The following ZNF655 variants were observed in gnomAD, a reference collection of about 807,000 sequenced individuals.
The protein encoded by ZNF655 is zinc finger protein 655.
ZNF655 carries 3 observed loss-of-function variants against 6.6 expected under a neutral mutation model. That is an observed-to-expected ratio of 0.46 (90% CI 0.21 to 1.18). The LOEUF (loss-of-function observed/expected upper bound fraction) is 1.18, where lower values mean the gene tolerates loss of function less well. ZNF655 is among the 50% of genes most tolerant of loss of function. The pLI is 0.24. For missense variants in ZNF655, 526 were observed against 572.3 expected, an observed-to-expected ratio of 0.92 and a Z score of 0.83; for synonymous variants, 178 against 195.0, an observed-to-expected ratio of 0.91 and a Z score of 0.73.
At chr7:99,571,135 T>G in intron 2 of ZNF655, 1 of 865,248 alleles carries the variant, frequency 1.2e-6, no homozygotes, top group African/African-American at 1.8e-5. Context: ...GAATAAATGC[T>G]ACACTCCTAA....
intron 2 of ZNF655, among the ~76,000 whole-genome samples, chr7:99,565,534 G>A (rs1406503873): frequency 6.6e-6 from 1 of 152,196 alleles, no homozygotes; most frequent in Non-Finnish European, 1.5e-5. Context: ...CCACTATGCA[G>A]CAGTAAATAT....
intron 2 of ZNF655, chr7:99,564,285 A>G (rs1803460656): frequency 7.6e-7 from 1 of 1,308,168 alleles, no homozygotes; most frequent in Non-Finnish European, 9.7e-7. Context: ...CTCTTCAGTT[A>G]TGGTCTTTTC....
chr7:99,559,229 G>A (rs1802876408), intron 1 of ZNF655, among the ~76,000 whole-genome samples: 1 of 152,198 alleles, frequency 6.6e-6, no homozygotes, highest in Non-Finnish European at 1.5e-5. Context: ...TCTTACCTGC[G>A]TTGCTCTCAG....
chr7:99,571,280 G>T (rs1562937211), intron 2 of ZNF655: 1 of 1,289,266 alleles, frequency 7.8e-7, no homozygotes, highest in Non-Finnish European at 1.0e-6. Context: ...CATGCAGCAG[G>T]TGCTTGAGTT....
At chr7:99,566,391 G>C (rs1401960117) in intron 2 of ZNF655, among the ~76,000 whole-genome samples, 2 of 152,124 alleles carry the variant, frequency 1.3e-5, no homozygotes, top group African/African-American at 4.8e-5. Context: ...CATTCAAAAA[G>C]TAAAACTCTC....
Position 99,573,902 on chromosome 7 carries a change from G to A in ZNF655, c.*318G>A. On this transcript the variant is annotated 3_prime_UTR_variant, in exon 3 of 3. Transcript: ENST00000252713. ...TAGTCACATTTGGAGAATTCACATG[G>A]GAATAAAATTCCATTGCTGCAATGA... The A allele has an allele frequency of 1.1e-5, 3 of 266,766 alleles. No homozygotes were observed. The highest frequency in any genetic ancestry group is 7.5e-5 in the East Asian group (1 of 13,374). 16.5% of individuals were successfully genotyped at this position (266,766 alleles called of 1,614,324 possible).
At chr7:99,559,317 G>A (rs1050135524) in intron 1 of ZNF655, among the ~76,000 whole-genome samples, 2 of 152,114 alleles carry the variant, frequency 1.3e-5, no homozygotes, top group African/African-American at 2.4e-5. Flanking sequence ...TATTCGCCAA[G>A]CCCGTGTAGT....
In ZNF655 at chr7:99,572,609, C is replaced by A; in HGVS notation, c.501C>A (p.Asn167Lys). The A allele has an allele frequency of 1.2e-6, 2 of 1,613,566 alleles. No homozygotes were observed. Among genetic ancestry groups the A allele is most frequent in the South Asian group, 1.1e-5 (1 of 91,022 alleles). The change falls in exon 3 of 3, where the codon AAC (asparagine) becomes AAA (lysine). Residue 167 changes from asparagine to lysine, a missense_variant. Coordinates refer to ENST00000252713, the MANE Select transcript of ZNF655 (RefSeq NM_138494.3). The stretch of plus-strand genomic sequence containing the variant: ...ATGATAAGTATGACATGAGCTTCAA[C>A]CAGAATTCAGCCTCTGGTAAACATG... ...DDNDKYDMSF[N>K]QNSASGKHEH...
At chr7:99,564,365 T>C (rs1803465225) in intron 2 of ZNF655, 2 of 1,104,922 alleles carry the variant, frequency 1.8e-6, no homozygotes, top group East Asian at 7.2e-5. Context: ...ACCTGCCCCG[T>C]ATGGTGCCTA....
At chr7:99,561,941 C>G in intron 2 of ZNF655, 1 of 1,596,916 alleles carries the variant, frequency 6.3e-7, no homozygotes, top group South Asian at 1.1e-5. Flanking sequence ...CCCAGGAGAC[C>G]AGGCAGCTGC....
chr7:99,575,250 A>G lies in ZNF655; in HGVS notation c.*1666A>G, dbSNP rs1377067819. 6.6e-6 allele frequency: 1 copy of G among 152,552 alleles called. No homozygotes were observed. The highest frequency in any genetic ancestry group is 2.4e-5 in the African/African-American group (1 of 41,442). The allele number at this position is 152,552 out of a possible 1,614,324, so 9.4% of individuals were successfully genotyped here. ...TCTTGGTAGGGTAAACATAAAGAAG[A>G]TACACAGGCCGGGCATGGTGGCTCA... On this transcript the variant is annotated 3_prime_UTR_variant, in exon 3 of 3. Coordinates refer to ENST00000252713, the MANE Select transcript of ZNF655 (RefSeq NM_138494.3).
chr7:99,564,316 A>G (rs1562933640), intron 2 of ZNF655: 1 of 1,210,468 alleles, frequency 8.3e-7, no homozygotes, highest in Non-Finnish European at 1.0e-6. Flanking sequence ...AGAATGTGAA[A>G]CTTATGCTGT....
At chr7:99,572,083 C>A (rs1804126956) in intron 2 of ZNF655, among the ~76,000 whole-genome samples, 162 bp from the exon 3 acceptor site, 1 of 152,180 alleles carries the variant, frequency 6.6e-6, no homozygotes, top group African/African-American at 2.4e-5. Flanking sequence ...CCTGTTTATG[C>A]CCTTAACTTC....
intron 2 of ZNF655, chr7:99,562,250 T>C (rs1443218489): frequency 9.9e-6 from 13 of 1,306,578 alleles, no homozygotes; most frequent in Non-Finnish European, 1.2e-5. Flanking sequence ...GGTTCTAATC[T>C]GTTCTCCCTC....
rs1001482796 is a variant in ZNF655, at chr7:99,574,465, A to G, written c.*881A>G. ...GCTTTGTTGCCCAGGCTGGTCTTGAACTCCTGGCCTCAAGCGATCCTCCCA... is the reference window on the plus strand; with the variant it reads ...GCTTTGTTGCCCAGGCTGGTCTTGAGCTCCTGGCCTCAAGCGATCCTCCCA... On this transcript the variant is annotated 3_prime_UTR_variant, in exon 3 of 3. Transcript: ENST00000252713. 6.6e-6 allele frequency: 1 copy of G among 151,360 alleles called. No homozygotes were observed. Among genetic ancestry groups the G allele is most frequent in the Admixed American group, 6.6e-5 (1 of 15,198 alleles). The allele number at this position is 151,360 out of a possible 1,614,324, so 9.4% of individuals were successfully genotyped here. A position where few individuals can be genotyped will look rare whatever the true frequency, so the allele number is the denominator to read the frequency against.
At chr7:99,567,702 G>T (rs1372702343) in intron 2 of ZNF655, among the ~76,000 whole-genome samples, 43 of 152,054 alleles carry the variant, frequency 2.8e-4, no homozygotes, top group Non-Finnish European at 7.4e-5. Flanking sequence ...CATTTTCTTG[G>T]TTTATAAAAC....
chr7:99,573,854 A>G lies in ZNF655; in HGVS notation c.*270A>G. The G allele has an allele frequency of 2.5e-6, 1 of 404,484 alleles. No individual in the cohort carries two copies. 25.1% of individuals were successfully genotyped at this position (404,484 alleles called of 1,614,324 possible). A position where few individuals can be genotyped will look rare whatever the true frequency, so the allele number is the denominator to read the frequency against. ...ATGTATTGAATGTGGCAAATTTTTC[A>G]TGCTATTAGTATTTTCATACCTTAG... On this transcript the variant is annotated 3_prime_UTR_variant, in exon 3 of 3. Coordinates refer to ENST00000252713, the MANE Select transcript of ZNF655 (RefSeq NM_138494.3).
At position 99,558,670 on chromosome 7, in the gene ZNF655, A is replaced by G. The variant is rs749058376; in HGVS notation, c.-145A>G. On this transcript the variant is annotated 5_prime_UTR_variant, in exon 1 of 3. Transcript: ENST00000252713. ...CGGGACCCTGCACTCCGTCGCCGGA[A>G]GTGCCACCGAGAAGCGCCGGCCTCG... 6.6e-6 allele frequency: 1 copy of G among 151,248 alleles called. No homozygotes were observed. Among genetic ancestry groups the G allele is most frequent in the African/African-American group, 2.4e-5 (1 of 41,080 alleles). 9.4% of individuals were successfully genotyped at this position (151,248 alleles called of 1,614,324 possible).
rs545633572 is a variant in ZNF655 at position 99,563,476 on chromosome 7, G to A, written c.136+2781G>A. On this transcript the variant is annotated intron_variant, in intron 2 of 2. Transcript: ENST00000252713. ...TGGGATTACAGGCATGGGCCACCAC[G>A]CCCGCCTAATTTTGTATTTTTAGTA... 5.3e-5 allele frequency among the ~76,000 whole-genome samples: 8 copies of A among 151,924 alleles called. No homozygotes were observed. In the East Asian group the frequency reaches 9.7e-4, roughly 18 times the overall value.
Sources: allele counts gnomAD v4.1 joint callset (sites outside exome capture counted in the v4.1 genomes callset), GRCh38; gene constraint gnomAD v4.1.1; transcripts MANE v1.5; gene names NCBI Gene and HGNC (gene_info 2026-07-23, HGNC 2026-07-21).